PCSK5: variants seen among roughly 807,000 people sequenced by gnomAD.
PCSK5 encodes the protein prohormone convertase 5.
PCSK5 carries 129 observed loss-of-function variants against 233.2 expected under a neutral mutation model. The observed-to-expected ratio is 0.55, with a 90% confidence interval of 0.48 to 0.64. PCSK5 has a LOEUF of 0.64. Among genes scored for constraint, PCSK5 ranks in the 30% least tolerant of loss-of-function variants. The probability of loss-of-function intolerance (pLI) is 0.00; values close to 1 mark genes in which losing one functional copy is unlikely to be tolerated. For synonymous variants in PCSK5, 825 were observed against 879.2 expected (o/e 0.94, Z 1.09); for missense variants, 2,076 against 2,430.1 (o/e 0.85, Z 3.06).
chr9:76,017,406 A>G (rs1479661451), intron 3 of PCSK5, among the ~76,000 whole-genome samples: 1 of 152,234 alleles, frequency 6.6e-6, no homozygotes, highest in African/African-American at 2.4e-5. Flanking sequence ...TTGCCCCTAT[A>G]TAGGTGCTGC....
At chr9:76,192,067 CAA>C (rs5898457) in intron 20 of PCSK5, among the ~76,000 whole-genome samples, 138 of 101,188 alleles carry the variant, frequency 1.4e-3, no homozygotes, top group African/African-American at 3.7e-3. Flanking sequence ...AAGACTGTCT[CAA>C]AAAAAAAAAA....
intron 2 of PCSK5, among the ~76,000 whole-genome samples, chr9:75,937,229 A>G (rs1050634109): frequency 1.4e-5 from 2 of 147,916 alleles, no homozygotes; most frequent in African/African-American, 5.0e-5. Context: ...CCCAGGCTAG[A>G]GTGCAATGGC....
rs1478583306 is a variant in PCSK5 at position 76,328,197 on chromosome 9, G to A, written c.4528G>A (p.Glu1510Lys). The change falls in exon 33 of 38, where the codon GAG (glutamate) becomes AAG (lysine). Residue 1510 changes from glutamate to lysine, a missense_variant. By Grantham distance (56) the Glu-to-Lys change is moderately conservative (BLOSUM62 1). Around this residue, in one of 6 missense-constraint regions of PCSK5, gnomAD observed 1,510 missense variants for 1,538.1 expected, o/e 0.98. Transcript: ENST00000674117. ...VKCFHCMGPA[E>K]DQCQTCPMNS... is the part of the protein sequence containing the mutation. ...GTGCTTCCACTGCATGGGGCCGGCG[G>A]AGGACCAGTGTCAAACATGCCCCAT... 6.2e-7 allele frequency: 1 copy of A among 1,612,738 alleles called. No homozygotes were observed. The highest frequency in any genetic ancestry group is 1.3e-5 in the African/African-American group (1 of 74,930).
At chr9:76,068,290 T>G (rs536013898) in intron 6 of PCSK5, among the ~76,000 whole-genome samples, 1 of 152,116 alleles carries the variant, frequency 6.6e-6, no homozygotes, top group East Asian at 1.9e-4. Flanking sequence ...TTGAAAAAAA[T>G]GTTATCTAGT....
chr9:76,024,265 T>C (rs1828326076), intron 4 of PCSK5, among the ~76,000 whole-genome samples: 3 of 152,210 alleles, frequency 2.0e-5, no homozygotes, highest in African/African-American at 7.2e-5. Context: ...TCTTTTTCTC[T>C]CTCTGCCTCT....
chr9:76,029,645 C>T (rs1416478855), intron 5 of PCSK5, among the ~76,000 whole-genome samples: 1 of 152,106 alleles, frequency 6.6e-6, no homozygotes. Context: ...TAAAGCCAAG[C>T]CCAGCCATGG....
chr9:76,181,812 T>C (rs1823884192), intron 16 of PCSK5, among the ~76,000 whole-genome samples: 1 of 152,176 alleles, frequency 6.6e-6, no homozygotes, highest in African/African-American at 2.4e-5. Context: ...AGTGATTTGC[T>C]GGGAGTATTC....
intron 33 of PCSK5, among the ~76,000 whole-genome samples, chr9:76,331,857 C>T (rs1211638368): frequency 6.6e-6 from 1 of 152,150 alleles, no homozygotes; most frequent in East Asian, 1.9e-4. Context: ...CTCCTAGAGC[C>T]TCTAAAAGGA....
chr9:76,304,063 T>C (rs1392145806), intron 28 of PCSK5, among the ~76,000 whole-genome samples: 2 of 152,112 alleles, frequency 1.3e-5, no homozygotes, highest in African/African-American at 4.8e-5. Context: ...TCCCAGCTAC[T>C]TGGGAGGCTG....
chr9:76,041,248 G>T (rs2131531488), intron 5 of PCSK5, among the ~76,000 whole-genome samples: 1 of 152,312 alleles, frequency 6.6e-6, no homozygotes, highest in South Asian at 2.1e-4. Flanking sequence ...AGGATTTAGA[G>T]AAGTTACTAC....
In PCSK5 at chr9:75,932,494, C is replaced by T; in HGVS notation, c.297+11C>T. On this transcript the variant is annotated intron_variant, in intron 2 of 37. Transcript: ENST00000674117. The stretch of plus-strand genomic sequence containing the variant: ...TCAATGGAACCAAAGGTAAGAAGAA[C>T]CAGTTGCGTGGGGACCAAGAGGCAA... The T allele has an allele frequency of 6.6e-7, 1 of 1,505,922 alleles. No individual in the cohort carries two copies. Among genetic ancestry groups the T allele is most frequent in the Non-Finnish European group, 9.2e-7 (1 of 1,081,312 alleles). The allele number at this position is 1,505,922 out of a possible 1,614,324, so 93.3% of individuals were successfully genotyped here.
At chr9:75,985,171 T>A (rs1282319838) in intron 2 of PCSK5, among the ~76,000 whole-genome samples, 1 of 152,194 alleles carries the variant, frequency 6.6e-6, no homozygotes, top group East Asian at 1.9e-4. Context: ...ATTCTGCATT[T>A]GAGACATCCC....
At chr9:76,069,208 T>G (rs1830393663) in intron 6 of PCSK5, among the ~76,000 whole-genome samples, 1 of 151,978 alleles carries the variant, frequency 6.6e-6, no homozygotes, top group Non-Finnish European at 1.5e-5. Flanking sequence ...AAGAAAAAAA[T>G]TCTTCGTTCC....
intron 24 of PCSK5, among the ~76,000 whole-genome samples, chr9:76,285,579 G>A (rs1182928085): frequency 6.6e-6 from 1 of 152,072 alleles, no homozygotes; most frequent in Non-Finnish European, 1.5e-5. Flanking sequence ...CTTGCATGGG[G>A]TATGAATGAA....
intron 6 of PCSK5, among the ~76,000 whole-genome samples, chr9:76,069,089 A>C (rs2185229): frequency 1 from 152,257 of 152,286 alleles, 76,114 homozygotes; most frequent in Middle Eastern, 1. Flanking sequence ...CCTTTTTCTC[A>C]CCCTGAATTC....
At position 75,986,101 on chromosome 9, in the gene PCSK5, G is replaced by T. The variant is rs188009881; in HGVS notation, c.298-31G>T. The T allele has an allele frequency of 2.2e-5, 28 of 1,250,730 alleles. No homozygotes were observed. In the African/African-American group the frequency reaches 3.8e-4, roughly 17 times the overall value. The allele number at this position is 1,250,730 out of a possible 1,614,324, so 77.5% of individuals were successfully genotyped here. A position where few individuals can be genotyped will look rare whatever the true frequency, so the allele number is the denominator to read the frequency against. Reference sequence around the variant, plus strand: ...TATGTTGTAATAACCCTGATGGAACGTGAATACTCACCAAATGTCCTTCTT... The same window carrying T: ...TATGTTGTAATAACCCTGATGGAACTTGAATACTCACCAAATGTCCTTCTT... On this transcript the variant is annotated intron_variant, in intron 2 of 37. Transcript: ENST00000674117.
At chr9:75,985,516 A>ATGATCGTGGAGCGTTT (rs1826472370) in intron 2 of PCSK5, among the ~76,000 whole-genome samples, 2 of 152,088 alleles carry the variant, frequency 1.3e-5, no homozygotes, top group Non-Finnish European at 2.9e-5. Context: ...AAAAAAAAAA[A>ATGATCGTGGAGCGTTT]TGATCCTGGA....
chr9:76,085,222 T>A (rs1831016424), intron 7 of PCSK5, among the ~76,000 whole-genome samples: 1 of 152,174 alleles, frequency 6.6e-6, no homozygotes, highest in Non-Finnish European at 1.5e-5. Context: ...ACAAAGATCT[T>A]CTCTGAGTTC....
At chr9:76,175,886 T>G (rs1823590401) in intron 14 of PCSK5, among the ~76,000 whole-genome samples, 2 of 152,272 alleles carry the variant, frequency 1.3e-5, no homozygotes, top group African/African-American at 4.8e-5. Context: ...TCCATTTTTC[T>G]ATTCGAAGTA....
Sources: gnomAD v4.1 joint callset for allele counts (sites outside exome capture counted in the v4.1 genomes callset) on GRCh38, gnomAD v4.1.1 for gene constraint, gnomAD v4.1.1 regional missense constraint, MANE v1.5 for transcripts, NCBI Gene and HGNC (gene_info 2026-07-23, HGNC 2026-07-21) for gene names.